PTPRD: variants seen among roughly 807,000 people sequenced by gnomAD.
PTPRD encodes receptor-type tyrosine-protein phosphatase delta.
A neutral mutation model predicts 214.5 loss-of-function variants in PTPRD; 34 were observed. That is an observed-to-expected ratio of 0.16 (90% confidence interval 0.12 to 0.21). The LOEUF (loss-of-function observed/expected upper bound fraction) is 0.21, where lower values mean the gene tolerates loss of function less well. PTPRD is among the 10% of genes least tolerant of loss of function. The pLI is 1.00. For missense variants in PTPRD, 2,545 were observed against 2,398.7 expected, an observed-to-expected ratio of 1.06 and a Z score of -1.27; for synonymous variants, 1,128 against 845.7, an observed-to-expected ratio of 1.33 and a Z score of -5.79.
intron 11 of PTPRD, among the ~76,000 whole-genome samples, chr9:8,953,347 C>G (rs1431400811): frequency 6.6e-6 from 1 of 151,882 alleles, no homozygotes; most frequent in African/African-American, 2.4e-5. Context: ...TCATTATGAG[C>G]AAAAATTAAC....
intron 10 of PTPRD, among the ~76,000 whole-genome samples, chr9:9,029,484 T>G (rs1253868366): frequency 1.7e-5 from 2 of 118,156 alleles, no homozygotes; most frequent in Non-Finnish European, 3.5e-5. Flanking sequence ...TTTTTGTGCC[T>G]AGCTACTTGC....
chr9:10,446,808 A>C (rs2098803238), intron 2 of PTPRD, among the ~76,000 whole-genome samples: 1 of 152,164 alleles, frequency 6.6e-6, no homozygotes, highest in Non-Finnish European at 1.5e-5. Flanking sequence ...GGATCCATGA[A>C]GAGAGTGATG....
At chr9:9,979,246 T>C (rs2095462819) in intron 4 of PTPRD, among the ~76,000 whole-genome samples, 1 of 152,018 alleles carries the variant, frequency 6.6e-6, no homozygotes, top group Non-Finnish European at 1.5e-5. Flanking sequence ...TTTAAAATTA[T>C]TTTTCATCAT....
chr9:8,722,338 C>A (rs1045582426), intron 12 of PTPRD, among the ~76,000 whole-genome samples: 1 of 152,022 alleles, frequency 6.6e-6, no homozygotes, highest in African/African-American at 2.4e-5. Context: ...TCCTGGTAGG[C>A]AAGGGAGCCA....
At chr9:9,142,785 C>T (rs2154481681) in intron 10 of PTPRD, among the ~76,000 whole-genome samples, 1 of 152,290 alleles carries the variant, frequency 6.6e-6, no homozygotes, top group Middle Eastern at 3.4e-3. Context: ...CATACCCCAT[C>T]TGTCCTGTAT....
At chr9:8,576,773 C>T (rs2092427296) in intron 14 of PTPRD, among the ~76,000 whole-genome samples, 1 of 152,114 alleles carries the variant, frequency 6.6e-6, no homozygotes, top group Admixed American at 6.6e-5. Context: ...CAGATATGTT[C>T]CCTGCAATCC....
intron 11 of PTPRD, among the ~76,000 whole-genome samples, chr9:8,735,782 C>A (rs1437172657): frequency 6.6e-6 from 1 of 151,718 alleles, no homozygotes; most frequent in Non-Finnish European, 1.5e-5. Flanking sequence ...CGTGGTGGTG[C>A]ATACCTGTAA....
chr9:9,809,516 G>A (rs1746802), intron 5 of PTPRD, among the ~76,000 whole-genome samples: 64,936 of 151,840 alleles, frequency 0.43, 16,506 homozygotes, highest in African/African-American at 0.72. Context: ...CGCCTGCCTC[G>A]GCCTCCCAAA....
intron 7 of PTPRD, among the ~76,000 whole-genome samples, chr9:9,586,486 T>A (rs2091984015): frequency 6.6e-6 from 1 of 152,032 alleles, no homozygotes; most frequent in Non-Finnish European, 1.5e-5. Context: ...TGAACATTAT[T>A]GCTTCTTCTG....
At chr9:10,397,285 G>C (rs867978766) in intron 2 of PTPRD, among the ~76,000 whole-genome samples, 2 of 151,978 alleles carry the variant, frequency 1.3e-5, no homozygotes, top group African/African-American at 4.8e-5. Context: ...CTGTATAATG[G>C]ACATGATAAT....
At chr9:9,837,052 C>T (rs1012040170) in intron 5 of PTPRD, among the ~76,000 whole-genome samples, 2 of 148,160 alleles carry the variant, frequency 1.3e-5, no homozygotes, top group African/African-American at 4.8e-5. Context: ...GAAATGAGGT[C>T]TATAGTAGCT....
At chr9:8,546,057 T>G (rs2080046013) in intron 14 of PTPRD, among the ~76,000 whole-genome samples, 1 of 152,338 alleles carries the variant, frequency 6.6e-6, no homozygotes, top group Non-Finnish European at 1.5e-5. Flanking sequence ...TGGTAACATC[T>G]GAGATGCTTC....
intron 2 of PTPRD, among the ~76,000 whole-genome samples, chr9:10,451,672 T>C (rs10959105): frequency 0.12 from 18,633 of 151,682 alleles, 1,540 homozygotes; most frequent in South Asian, 0.25. Context: ...TATAAAAGTG[T>C]TCTTATCCTT....
At chr9:10,071,267 T>A (rs1354842114) in intron 3 of PTPRD, among the ~76,000 whole-genome samples, 1 of 152,024 alleles carries the variant, frequency 6.6e-6, no homozygotes, top group Admixed American at 6.6e-5. Flanking sequence ...GATAACCTGA[T>A]TCTTGATTGT....
chr9:8,872,497 A>C (rs1166932056), intron 11 of PTPRD, among the ~76,000 whole-genome samples: 1 of 152,162 alleles, frequency 6.6e-6, no homozygotes, highest in Non-Finnish European at 1.5e-5. Context: ...AATAAAGAAA[A>C]CAGCTTTGTA....
chr9:8,865,956 G>C (rs950547975), intron 11 of PTPRD, among the ~76,000 whole-genome samples: 4 of 152,152 alleles, frequency 2.6e-5, no homozygotes, highest in Non-Finnish European at 5.9e-5. Context: ...CCTACAAGAA[G>C]TCAAAAGAAT....
In PTPRD at chr9:9,745,213, T is replaced by C. The variant is rs573853805; in HGVS notation, c.-325-10642A>G. On this transcript the variant is annotated intron_variant, in intron 6 of 45. Coordinates refer to ENST00000381196, the MANE Select transcript of PTPRD (RefSeq NM_002839.4). ...TCTCTACTTTTTCTTGTGCAATTTTTATAACATGAAATAGATTGTGTGGCT... is the reference window on the plus strand; with the variant it reads ...TCTCTACTTTTTCTTGTGCAATTTTCATAACATGAAATAGATTGTGTGGCT... Among the ~76,000 whole-genome samples the C allele has an allele frequency of 2.6e-5, 4 of 152,280 alleles. No individual in the cohort carries two copies. In the East Asian group the frequency reaches 7.7e-4, roughly 29 times the overall value.
At chr9:10,230,124 C>T (rs914841916) in intron 3 of PTPRD, among the ~76,000 whole-genome samples, 1 of 151,920 alleles carries the variant, frequency 6.6e-6, no homozygotes, top group Admixed American at 6.6e-5. Flanking sequence ...TCAGTATATT[C>T]AGCATCAGCT....
At chr9:9,539,627 C>A (rs1308527137) in intron 8 of PTPRD, among the ~76,000 whole-genome samples, 4 of 151,808 alleles carry the variant, frequency 2.6e-5, no homozygotes, top group African/African-American at 9.7e-5. Context: ...CAATGTACTG[C>A]ATTTTAAAAG....
Sources: gnomAD v4.1 joint callset for allele counts (sites outside exome capture counted in the v4.1 genomes callset) on GRCh38, gnomAD v4.1.1 for gene constraint, MANE v1.5 for transcripts, NCBI Gene and HGNC (gene_info 2026-07-23, HGNC 2026-07-21) for gene names.